PLA2G6: variants seen among roughly 807,000 people sequenced by gnomAD.
PLA2G6 encodes 85/88 kDa calcium-independent phospholipase A2.
In PLA2G6, 62 loss-of-function variants were observed where a neutral mutation model predicts 83.8. The ratio of observed to expected loss-of-function variants is 0.74; its 90% CI spans 0.60 to 0.91. PLA2G6 has a LOEUF of 0.91. Among genes scored for constraint, PLA2G6 ranks in the 40% least tolerant of loss-of-function variants. PLA2G6 has a pLI of 0.00. For missense variants in PLA2G6, 944 were observed against 1,102.0 expected, an observed-to-expected ratio of 0.86 and a Z score of 2.03; for synonymous variants, 417 against 449.8, an observed-to-expected ratio of 0.93 and a Z score of 0.92.
intron 11 of PLA2G6, among the ~76,000 whole-genome samples, chr22:38,122,112 C>T (rs1294640212): frequency 6.6e-6 from 1 of 152,050 alleles, no homozygotes; most frequent in Non-Finnish European, 1.5e-5. Context: ...CTGGCTGAGC[C>T]CCCTGCTCCT....
At chr22:38,116,324 G>C (rs2087194091) in intron 12 of PLA2G6, 113 bp from the exon 13 acceptor site, 3 of 1,173,432 alleles carry the variant, frequency 2.6e-6, no homozygotes, top group Non-Finnish European at 3.8e-6. Flanking sequence ...TCCAACCTCT[G>C]TTCGGGATAG....
At chr22:38,119,982 G>GC in intron 12 of PLA2G6, among the ~76,000 whole-genome samples, 1 of 152,018 alleles carries the variant, frequency 6.6e-6, no homozygotes, top group African/African-American at 2.4e-5. Context: ...CACAGAGTGG[G>GC]AAAAAAGATT....
In PLA2G6 at chr22:38,145,424, G is replaced by A. The variant is rs1189727016; in HGVS notation, c.425+14C>T. 1.3e-6 allele frequency: 2 copies of A among 1,592,662 alleles called. No homozygotes were observed. Among genetic ancestry groups the A allele is most frequent in the African/African-American group, 1.3e-5 (1 of 74,730 alleles). ...ACACACACGTTGTCCAAATGGTCTT[G>A]TTCCCTTGCTCACCTGATGATACGG... On this transcript the variant is annotated intron_variant, in intron 3 of 16. Transcript: ENST00000332509.
At chr22:38,163,141 C>T (rs965894204) in intron 2 of PLA2G6, among the ~76,000 whole-genome samples, 3 of 152,168 alleles carry the variant, frequency 2.0e-5, no homozygotes, top group Non-Finnish European at 4.4e-5. Context: ...GCCAAGGACC[C>T]TCACGCTAGA....
Position 38,115,534 on chromosome 22 carries a change from A to T in PLA2G6, c.2027T>A (p.Ile676Asn). 6.2e-7 allele frequency: 1 copy of T among 1,613,202 alleles called. No homozygotes were observed. The highest frequency in any genetic ancestry group is 8.5e-7 in the Non-Finnish European group (1 of 1,179,760). The part of the protein sequence containing the change: ...TEIHEYNQDL[I>N]RKGQANKVKK... ...CTGGCCTACGGCACTCACCTTGCGG[A>T]TCAGGTCCTGATTGTACTCATGGAT... The change falls in exon 14 of 17, where the codon ATC (isoleucine) becomes AAC (asparagine). Residue 676 changes from isoleucine (I) to asparagine (N), a missense_variant. Ile to Asn is a moderately radical substitution (Grantham distance 149, BLOSUM62 -3). Transcript: ENST00000332509.
At chr22:38,117,299 C>T (rs1432051136) in intron 12 of PLA2G6, among the ~76,000 whole-genome samples, 4 of 152,124 alleles carry the variant, frequency 2.6e-5, no homozygotes, top group East Asian at 1.9e-4. Context: ...ATCTGCCTCC[C>T]GGGTTCACGC....
chr22:38,167,702 G>T (rs1344701531), intron 2 of PLA2G6, among the ~76,000 whole-genome samples: 5 of 152,230 alleles, frequency 3.3e-5, no homozygotes, highest in Admixed American at 1.3e-4. Flanking sequence ...CCAAGCACCT[G>T]CTGTGGGTGC....
At chr22:38,155,181 C>T (rs1374956346) in intron 2 of PLA2G6, among the ~76,000 whole-genome samples, 3 of 151,306 alleles carry the variant, frequency 2.0e-5, no homozygotes, top group Non-Finnish European at 2.9e-5. Context: ...GAGCGGAAAT[C>T]GCGCCACTGC....
At position 38,132,101 on chromosome 22, in the gene PLA2G6, C is replaced by A. The variant is rs1447889179; in HGVS notation, c.1077+730G>T. The A allele has an allele frequency of 1.5e-5, 7 of 455,238 alleles. 1 individual carries two copies. Among genetic ancestry groups the A allele is most frequent in the Admixed American group, 7.1e-5 (3 of 42,438 alleles). The allele number at this position is 455,238 out of a possible 1,614,324, so 28.2% of individuals were successfully genotyped here. ...CTGCACTCCAGCCTGGGCGACAGTG[C>A]GAGACTCCATCTCGAAAAAAAAGAA... On this transcript the variant is annotated intron_variant, in intron 7 of 16. Transcript: ENST00000332509. The surrounding 1 kb of genome is among the most constrained non-coding windows in gnomAD (Gnocchi z 5.0).
At chr22:38,115,412 A>AGTC (rs2087128681) in intron 14 of PLA2G6, 115 bp downstream of exon 14, 1 of 855,870 alleles carries the variant, frequency 1.2e-6, no homozygotes, top group African/African-American at 1.7e-5. Context: ...CATATGAATG[A>AGTC]GTGCGTGTGT....
chr22:38,118,220 C>A (rs2087322342), intron 12 of PLA2G6, among the ~76,000 whole-genome samples: 1 of 152,136 alleles, frequency 6.6e-6, no homozygotes, highest in Non-Finnish European at 1.5e-5. Flanking sequence ...CTCTGGCCTG[C>A]AACGTGGTCA....
In PLA2G6 at chr22:38,139,974, G is replaced by A; in HGVS notation, c.797+8C>T. On this transcript the variant is annotated splice_region_variant and intron_variant, in intron 5 of 16. Coordinates refer to ENST00000332509, the MANE Select transcript of PLA2G6 (RefSeq NM_003560.4). ...AGGCCAGCAGATGGGGAGGGGAGGA[G>A]GTCTTACCCCTTCTGAGAGAACTTC... 6.3e-7 allele frequency: 1 copy of A among 1,576,428 alleles called. No homozygotes were observed. Among genetic ancestry groups the A allele is most frequent in the Non-Finnish European group, 8.6e-7 (1 of 1,158,936 alleles).
chr22:38,114,989 G>A (rs1420661463), intron 14 of PLA2G6, among the ~76,000 whole-genome samples: 1 of 152,180 alleles, frequency 6.6e-6, no homozygotes, highest in Non-Finnish European at 1.5e-5. Context: ...AGCATGCTGG[G>A]TCCTGCCAGC....
chr22:38,131,566 A>G (rs964090569), intron 7 of PLA2G6: 8 of 152,490 alleles, frequency 5.2e-5, no homozygotes, highest in Admixed American at 3.3e-4. Flanking sequence ...GCTGAGTTAG[A>G]TCATTCCAAG....
At chr22:38,177,051 A>AAG (rs1185032531) in intron 1 of PLA2G6, among the ~76,000 whole-genome samples, 3 of 151,546 alleles carry the variant, frequency 2.0e-5, no homozygotes, top group East Asian at 3.9e-4. Flanking sequence ...TCAAAAAAAA[A>AAG]AAAAAAGAAA....
rs769845705 is a variant in PLA2G6 at position 38,143,062 on chromosome 22, G to T, written c.609+43C>A. The T allele has an allele frequency of 4.4e-6, 7 of 1,579,794 alleles. No homozygotes were observed. In the African/African-American group the frequency reaches 8.1e-5, roughly 18 times the overall value. On this transcript the variant is annotated intron_variant, in intron 4 of 16. Coordinates refer to ENST00000332509, the MANE Select transcript of PLA2G6 (RefSeq NM_003560.4). ...GGGCCCAAAGGGAACCGTGGACACC[G>T]GGAGGTATCAGTACCAGTCACCCTG...
intron 11 of PLA2G6, 84 bp from the exon 12 acceptor site, chr22:38,120,993 CAGG>C: frequency 6.7e-7 from 1 of 1,498,432 alleles, no homozygotes; most frequent in Non-Finnish European, 9.2e-7. Context: ...CGCCTGAACG[CAGG>C]AGGTGGCAGG....
At chr22:38,181,084 T>G (rs1412205343) in intron 1 of PLA2G6, among the ~76,000 whole-genome samples, 1 of 152,038 alleles carries the variant, frequency 6.6e-6, no homozygotes, top group Non-Finnish European at 1.5e-5. Flanking sequence ...ACCCACAGGC[T>G]TGCCCCGACC....
intron 14 of PLA2G6, among the ~76,000 whole-genome samples, chr22:38,114,755 TG>T (rs896794273): frequency 8.5e-5 from 13 of 152,198 alleles, no homozygotes; most frequent in African/African-American, 3.1e-4. Context: ...GCAGCAAGGA[TG>T]CAGCTCAGGC....
Sources: allele counts gnomAD v4.1 joint callset (sites outside exome capture counted in the v4.1 genomes callset), GRCh38; gene constraint gnomAD v4.1.1; non-coding constraint Gnocchi (gnomAD v3.1); transcripts MANE v1.5; gene names NCBI Gene and HGNC (gene_info 2026-07-23, HGNC 2026-07-21).